NCK1: variants seen among roughly 807,000 people sequenced by gnomAD.
NCK1 encodes the protein SH2/SH3 adapter protein NCK1.
A neutral mutation model predicts 36.6 loss-of-function variants in NCK1; 19 were observed. The ratio of observed to expected loss-of-function variants is 0.52; its 90% CI spans 0.36 to 0.76. The LOEUF is 0.76. NCK1 is among the 30% of genes least tolerant of loss of function. The pLI, the probability that NCK1 is intolerant of heterozygous loss-of-function variation, is 0.00. For missense variants in NCK1, 358 were observed against 445.6 expected (o/e 0.80, Z 1.77); for synonymous variants, 165 against 156.0 (o/e 1.06, Z -0.43).
chr3:136,939,111 A>G (rs1362279630), intron 2 of NCK1, among the ~76,000 whole-genome samples: 1 of 152,186 alleles, frequency 6.6e-6, no homozygotes, highest in Non-Finnish European at 1.5e-5. Flanking sequence ...GGTCCAGAGC[A>G]CATTTTTGAT....
At chr3:136,931,386 CAA>C (rs1401992267) in intron 2 of NCK1, among the ~76,000 whole-genome samples, 6 of 151,958 alleles carry the variant, frequency 3.9e-5, no homozygotes, top group Non-Finnish European at 8.8e-5. Flanking sequence ...CCTAAGGAAA[CAA>C]AGAGTAACCT....
rs200674609 is a variant in NCK1, at chr3:136,928,263, T to A, written c.226+36T>A. 159 of 1,545,736 alleles carry A rather than the reference T, an allele frequency of 1.0e-4. 1 individual carries two copies. The East Asian group carries it at 3.3e-3, about 32-fold the overall frequency. On this transcript the variant is annotated intron_variant, in intron 2 of 3. Coordinates refer to ENST00000481752, the MANE Select transcript of NCK1 (RefSeq NM_001291999.2). The stretch of plus-strand genomic sequence containing the variant: ...TTTTAAAAGAAAAGCAACTTTGTTT[T>A]AAATGAAACCTGCAACTTAGTTCTT...
Position 136,945,622 on chromosome 3 carries a change from C to T in NCK1, c.266C>T (p.Ser89Phe). ...KVKRKPSVPDSASPADDSFVD... is the reference protein window; with the variant it reads ...KVKRKPSVPDFASPADDSFVD... ...AAAAGAAAACCTAGTGTGCCAGATT[C>T]TGCATCTCCTGCTGATGATAGTTTT... The change falls in exon 3 of 4, where the codon TCT (serine) becomes TTT (phenylalanine). Residue 89 changes from serine to phenylalanine, a missense_variant. Physicochemically the swap from Ser to Phe is radical, Grantham distance 155. Around this residue, in one of 3 missense-constraint regions of NCK1, gnomAD observed 143 missense variants for 162.4 expected, o/e 0.88. Coordinates refer to ENST00000481752, the MANE Select transcript of NCK1 (RefSeq NM_001291999.2). The T allele has an allele frequency of 6.2e-7, 1 of 1,613,438 alleles. No homozygotes were observed. The highest frequency in any genetic ancestry group is 8.5e-7 in the Non-Finnish European group (1 of 1,179,606).
At chr3:136,874,424 C>T (rs1298619425) in intron 1 of NCK1, among the ~76,000 whole-genome samples, 1 of 152,234 alleles carries the variant, frequency 6.6e-6, no homozygotes, top group African/African-American at 2.4e-5. Context: ...AGGTGACCCG[C>T]CCACCTTGGC....
intron 1 of NCK1, among the ~76,000 whole-genome samples, chr3:136,864,965 G>GT (rs1286640780): frequency 2.1e-3 from 216 of 104,422 alleles, no homozygotes; most frequent in Admixed American, 2.8e-3. Context: ...TCTTTTGTTT[G>GT]TTTTTTTTTT....
chr3:136,892,679 A>C (rs148924316), intron 1 of NCK1, among the ~76,000 whole-genome samples: 1 of 151,628 alleles, frequency 6.6e-6, no homozygotes, highest in East Asian at 2.0e-4. Context: ...CCTGTTTTAG[A>C]CTTAATGACC....
chr3:136,896,740 G>A (rs1263299214), intron 1 of NCK1, among the ~76,000 whole-genome samples: 2 of 152,074 alleles, frequency 1.3e-5, no homozygotes, highest in Non-Finnish European at 2.9e-5. Flanking sequence ...GGCTCAAGCA[G>A]TCCTCCTGCC....
At chr3:136,874,580 G>T (rs568687632) in intron 1 of NCK1, among the ~76,000 whole-genome samples, 2 of 152,298 alleles carry the variant, frequency 1.3e-5, no homozygotes, top group Admixed American at 6.5e-5. Flanking sequence ...TTTTGAATCT[G>T]CTTGATCTGG....
intron 2 of NCK1, among the ~76,000 whole-genome samples, chr3:136,935,171 G>C (rs1377353693): frequency 6.6e-6 from 1 of 152,156 alleles, no homozygotes; most frequent in Non-Finnish European, 1.5e-5. Context: ...AAAATGCTGG[G>C]ATTACAGTGT....
At chr3:136,916,665 T>G (rs532155239) in intron 1 of NCK1, among the ~76,000 whole-genome samples, 3 of 152,160 alleles carry the variant, frequency 2.0e-5, no homozygotes, top group Non-Finnish European at 4.4e-5. Context: ...TAACTTGGAG[T>G]GACACTGAAA....
intron 1 of NCK1, chr3:136,867,519 T>C (rs1272823638): frequency 6.7e-6 from 1 of 149,824 alleles, no homozygotes; most frequent in African/African-American, 2.5e-5. Context: ...GTGCTGGGAT[T>C]ATAGGGGTGA....
intron 1 of NCK1, among the ~76,000 whole-genome samples, chr3:136,927,271 C>G (rs969100969): frequency 1.3e-5 from 2 of 152,114 alleles, no homozygotes; most frequent in Non-Finnish European, 2.9e-5. Context: ...CAGGCCTGGC[C>G]GTTTTTATTT....
chr3:136,880,429 A>G (rs1474575701), intron 1 of NCK1, among the ~76,000 whole-genome samples: 1 of 152,098 alleles, frequency 6.6e-6, no homozygotes, highest in Non-Finnish European at 1.5e-5. Context: ...CAGAGACAGA[A>G]CACCAGGGAG....
At chr3:136,862,728 G>A (rs1194239361) in intron 1 of NCK1, among the ~76,000 whole-genome samples, 1 of 152,228 alleles carries the variant, frequency 6.6e-6, no homozygotes, top group Non-Finnish European at 1.5e-5. Context: ...TTTGCCAGCT[G>A]TGGCGTAATC....
chr3:136,864,692 T>A (rs1041022091), intron 1 of NCK1, among the ~76,000 whole-genome samples: 10 of 151,640 alleles, frequency 6.6e-5, no homozygotes, highest in African/African-American at 9.7e-5. Flanking sequence ...TATAAAAAAA[T>A]TTAAAAAGGA....
chr3:136,917,170 G>A (rs1177071590), intron 1 of NCK1, among the ~76,000 whole-genome samples: 1 of 151,492 alleles, frequency 6.6e-6, no homozygotes, highest in East Asian at 1.9e-4. Context: ...GCTGCATGCA[G>A]CCCAGGACAG....
intron 1 of NCK1, among the ~76,000 whole-genome samples, chr3:136,877,317 A>C (rs1938802322): frequency 6.6e-6 from 1 of 152,224 alleles, no homozygotes; most frequent in Non-Finnish European, 1.5e-5. Context: ...GGAATTAAGC[A>C]AGAAATGGAT....
chr3:136,919,626 A>G (rs1940053700), intron 1 of NCK1, among the ~76,000 whole-genome samples: 1 of 152,202 alleles, frequency 6.6e-6, no homozygotes. Context: ...ACCTGAAAAC[A>G]TGTTCTTTCC....
At chr3:136,944,365 G>A (rs929640289) in intron 2 of NCK1, among the ~76,000 whole-genome samples, 7 of 152,002 alleles carry the variant, frequency 4.6e-5, no homozygotes, top group East Asian at 1.9e-4. Context: ...TGATCTGCCC[G>A]CCTCAGCCTC....
Sources: allele counts gnomAD v4.1 joint callset (sites outside exome capture counted in the v4.1 genomes callset), GRCh38; gene constraint gnomAD v4.1.1; regional missense constraint gnomAD v4.1.1; transcripts MANE v1.5; gene names NCBI Gene and HGNC (gene_info 2026-07-23, HGNC 2026-07-21).